The following ADCY2 variants were observed in gnomAD, a reference collection of about 807,000 sequenced individuals.
ADCY2 encodes adenylate cyclase type 2.
A neutral mutation model predicts 125.2 loss-of-function variants in ADCY2; 31 were observed. The observed-to-expected ratio is 0.25, with a 90% CI of 0.19 to 0.33. The LOEUF is 0.33. Among genes scored for constraint, ADCY2 ranks in the 10% least tolerant of loss-of-function variants. The pLI, the probability that ADCY2 is intolerant of heterozygous loss-of-function variation, is 1.00. For missense variants in ADCY2, 904 were observed against 1,418.2 expected, an observed-to-expected ratio of 0.64 and a Z score of 5.82; for synonymous variants, 512 against 548.4, an observed-to-expected ratio of 0.93 and a Z score of 0.93.
At chr5:7,631,430 C>T (rs988101415) in intron 4 of ADCY2, among the ~76,000 whole-genome samples, 1 of 152,104 alleles carries the variant, frequency 6.6e-6, no homozygotes, top group African/African-American at 2.4e-5. Flanking sequence ...ATTACTTGGC[C>T]CCAGATCACT....
intron 6 of ADCY2, 57 bp downstream of exon 6, chr5:7,695,920 T>C: frequency 1.7e-6 from 2 of 1,173,608 alleles, no homozygotes; most frequent in African/African-American, 1.6e-5. Context: ...GGTTTCGTTT[T>C]TCTTCATCCA....
intron 17 of ADCY2, among the ~76,000 whole-genome samples, chr5:7,770,613 T>A (rs1165786782): frequency 6.6e-6 from 1 of 152,178 alleles, no homozygotes; most frequent in East Asian, 1.9e-4. Flanking sequence ...ATCATCATCT[T>A]TACTTTGAGT....
chr5:7,675,561 G>A (rs927173357), intron 4 of ADCY2, among the ~76,000 whole-genome samples: 5 of 152,162 alleles, frequency 3.3e-5, no homozygotes. Context: ...TGCGCCCGTC[G>A]AGGCTAACAT....
intron 2 of ADCY2, among the ~76,000 whole-genome samples, chr5:7,483,001 C>A (rs1271475503): frequency 6.6e-6 from 1 of 151,576 alleles, no homozygotes; most frequent in South Asian, 2.1e-4. Context: ...TGATAGTAAG[C>A]AGAGGCTGGG....
intron 4 of ADCY2, among the ~76,000 whole-genome samples, chr5:7,665,643 A>C (rs560832005): frequency 6.6e-6 from 1 of 151,584 alleles, no homozygotes; most frequent in East Asian, 2.0e-4. Flanking sequence ...ATGGTCTTGA[A>C]CCCAACTGGT....
At chr5:7,733,072 T>C (rs897426430) in intron 14 of ADCY2, among the ~76,000 whole-genome samples, 2 of 152,336 alleles carry the variant, frequency 1.3e-5, no homozygotes, top group Admixed American at 6.5e-5. Context: ...CCAAACTAAA[T>C]GGATTATGTT....
chr5:7,672,258 G>A (rs972159755), intron 4 of ADCY2, among the ~76,000 whole-genome samples: 1 of 152,226 alleles, frequency 6.6e-6, no homozygotes, highest in African/African-American at 2.4e-5. Flanking sequence ...TAAGCTGTGA[G>A]TGTCAAATTA....
At chr5:7,509,425 G>A (rs1035762633) in intron 2 of ADCY2, among the ~76,000 whole-genome samples, 4 of 152,314 alleles carry the variant, frequency 2.6e-5, no homozygotes, top group African/African-American at 4.8e-5. Context: ...ACAGTCAGCC[G>A]TCTGTATTCC....
intron 3 of ADCY2, among the ~76,000 whole-genome samples, chr5:7,527,160 G>A (rs934825980): frequency 1.3e-5 from 2 of 152,090 alleles, no homozygotes; most frequent in African/African-American, 2.4e-5. Flanking sequence ...CCTCCTGCCT[G>A]GTCCCCAGGG....
At chr5:7,550,899 T>G (rs931998763) in intron 3 of ADCY2, among the ~76,000 whole-genome samples, 8 of 152,194 alleles carry the variant, frequency 5.3e-5, no homozygotes, top group African/African-American at 1.9e-4. Context: ...CTCTTGTCTT[T>G]GTACCCTTCT....
At chr5:7,812,909 CA>C (rs934159358) in intron 22 of ADCY2, among the ~76,000 whole-genome samples, 1 of 149,766 alleles carries the variant, frequency 6.7e-6, no homozygotes, top group Non-Finnish European at 1.5e-5. Flanking sequence ...GACTCCATCT[CA>C]AAAAAAAATA....
chr5:7,754,814 G>A (rs1314129084), intron 15 of ADCY2, among the ~76,000 whole-genome samples: 1 of 151,846 alleles, frequency 6.6e-6, no homozygotes. Context: ...CAGAGATCGT[G>A]CCATTGAACT....
intron 15 of ADCY2, among the ~76,000 whole-genome samples, chr5:7,749,429 A>G (rs1240271653): frequency 6.6e-6 from 1 of 152,212 alleles, no homozygotes; most frequent in Non-Finnish European, 1.5e-5. Context: ...AAAATAATCC[A>G]TTTTATCTAG....
At chr5:7,635,498 A>T (rs1160404860) in intron 4 of ADCY2, among the ~76,000 whole-genome samples, 5 of 152,210 alleles carry the variant, frequency 3.3e-5, no homozygotes, top group African/African-American at 1.2e-4. Context: ...TTGGTGTGGC[A>T]TCTAACATTT....
intron 3 of ADCY2, among the ~76,000 whole-genome samples, chr5:7,527,372 A>T (rs1381372890): frequency 6.6e-6 from 1 of 152,234 alleles, no homozygotes; most frequent in Non-Finnish European, 1.5e-5. Context: ...TGGCATAATA[A>T]TGAGCCAACC....
At chr5:7,468,289 G>A (rs1339638878) in intron 2 of ADCY2, among the ~76,000 whole-genome samples, 1 of 152,146 alleles carries the variant, frequency 6.6e-6, no homozygotes, top group African/African-American at 2.4e-5. Context: ...TACAGAAAAT[G>A]AGGTGTAAAT....
At chr5:7,446,334 A>G (rs1051614801) in intron 2 of ADCY2, among the ~76,000 whole-genome samples, 4 of 152,226 alleles carry the variant, frequency 2.6e-5, no homozygotes, top group African/African-American at 9.6e-5. Context: ...TATTTGTTTT[A>G]TTTTAAATAA....
chr5:7,655,298 A>G (rs1166370723), intron 4 of ADCY2, among the ~76,000 whole-genome samples: 1 of 152,218 alleles, frequency 6.6e-6, no homozygotes, highest in Non-Finnish European at 1.5e-5. Context: ...AACAGAAGCC[A>G]TAGGATATAT....
At chr5:7,673,294 C>A in intron 4 of ADCY2, among the ~76,000 whole-genome samples, 4 of 66,764 alleles carry the variant, frequency 6.0e-5, no homozygotes, top group South Asian at 6.0e-4. Flanking sequence ...ATAAAATTAG[C>A]CAGGTGTTGT....
Sources: allele counts gnomAD v4.1 joint callset (sites outside exome capture counted in the v4.1 genomes callset), GRCh38; gene constraint gnomAD v4.1.1; transcripts MANE v1.5; gene names NCBI Gene and HGNC (gene_info 2026-07-23, HGNC 2026-07-21).